The following SUGT1 variants were observed in gnomAD, a reference collection of about 807,000 sequenced individuals.
The protein encoded by SUGT1 is protein SGT1 homolog.
SUGT1 carries 15 observed loss-of-function variants against 56.1 expected under a neutral mutation model. The observed-to-expected ratio is 0.27, with a 90% CI of 0.18 to 0.41. The LOEUF (loss-of-function observed/expected upper bound fraction) is 0.41, where lower values mean the gene tolerates loss of function less well. Ranked by LOEUF, SUGT1 falls within the 10% of genes least tolerant of loss-of-function variation. The probability of loss-of-function intolerance (pLI) is 1.00; values close to 1 mark genes in which losing one functional copy is unlikely to be tolerated. For synonymous variants in SUGT1, 123 were observed against 128.6 expected, an observed-to-expected ratio of 0.96 and a Z score of 0.30; for missense variants, 347 against 382.2, an observed-to-expected ratio of 0.91 and a Z score of 0.77.
intron 10 of SUGT1, 59 bp from the exon 11 acceptor site, chr13:52,676,171 T>C: frequency 7.1e-7 from 1 of 1,403,262 alleles, no homozygotes; most frequent in Non-Finnish European, 9.7e-7. Context: ...AAAACTGCAT[T>C]TTTTACTGTT....
rs918881050 is a variant in SUGT1 at position 52,693,599 on chromosome 13, G to C, written c.*5764G>C. On this transcript the variant is annotated 3_prime_UTR_variant, in exon 13 of 13. Coordinates refer to ENST00000310528, the MANE Select transcript of SUGT1 (RefSeq NM_006704.5). ...TTAATGTCTCTGTGCCTCAGTTTTT[G>C]TGTCTATGTAAAGGAGATAATAGGA... The C allele has an allele frequency of 1.3e-5, 2 of 152,060 alleles. No individual in the cohort carries two copies. Among genetic ancestry groups the C allele is most frequent in the Non-Finnish European group, 2.9e-5 (2 of 68,004 alleles). The allele number at this position is 152,060 out of a possible 1,614,324, so 9.4% of individuals were successfully genotyped here.
At chr13:52,653,496 G>A (rs1001809494) in intron 2 of SUGT1, among the ~76,000 whole-genome samples, 33 of 152,142 alleles carry the variant, frequency 2.2e-4, no homozygotes, top group African/African-American at 7.0e-4. Flanking sequence ...GTGTCGGTAT[G>A]AAGTCAGTCT....
chr13:52,656,968 TC>T (rs1431485136), intron 2 of SUGT1, among the ~76,000 whole-genome samples: 3 of 152,226 alleles, frequency 2.0e-5, no homozygotes, highest in Non-Finnish European at 4.4e-5. Context: ...GACATAGCCA[TC>T]TATTAGATTG....
Position 52,652,869 on chromosome 13 carries a change from G to T in SUGT1, c.-52G>T. ...GTTTCCCCCTTGGGCGGTGGTGGAGGTGGTAACCGTGATAGTAGCAGCTCC... is the reference window on the plus strand; with the variant it reads ...GTTTCCCCCTTGGGCGGTGGTGGAGTTGGTAACCGTGATAGTAGCAGCTCC... On this transcript the variant is annotated 5_prime_UTR_variant, in exon 1 of 13. Coordinates refer to ENST00000310528, the MANE Select transcript of SUGT1 (RefSeq NM_006704.5). The T allele has an allele frequency of 1.3e-6, 2 of 1,596,804 alleles. No homozygotes were observed. The highest frequency in any genetic ancestry group is 1.7e-6 in the Non-Finnish European group (2 of 1,170,790).
At chr13:52,675,988 T>C (rs533418904) in intron 10 of SUGT1, among the ~76,000 whole-genome samples, 7 of 152,316 alleles carry the variant, frequency 4.6e-5, no homozygotes, top group Admixed American at 3.3e-4. Flanking sequence ...AAAGCATATG[T>C]ATTTCAAGTC....
At chr13:52,653,793 G>T (rs995892344) in intron 2 of SUGT1, among the ~76,000 whole-genome samples, 2 of 152,194 alleles carry the variant, frequency 1.3e-5, no homozygotes, top group African/African-American at 4.8e-5. Context: ...GATGCTGCGG[G>T]TCACAGAATT....
At chr13:52,668,215 C>T (rs867757432) in intron 10 of SUGT1, among the ~76,000 whole-genome samples, 2 of 152,102 alleles carry the variant, frequency 1.3e-5, no homozygotes, top group African/African-American at 2.4e-5. Context: ...CTCCTGACCA[C>T]GTGATCTGCC....
Position 52,653,080 on chromosome 13 carries a change from G to A in SUGT1, c.73G>A (p.Glu25Lys), listed in dbSNP as rs1961985785. The change falls in exon 2 of 13, where the codon GAG becomes AAG. Residue 25 changes from glutamate to lysine, a missense_variant. Physicochemically the swap from Glu to Lys is moderately conservative, Grantham distance 56. Coordinates refer to ENST00000310528, the MANE Select transcript of SUGT1 (RefSeq NM_006704.5). ...FQSFSDALID[E>K]DPQAALEELT... ...GAGCTTCTCGGATGCCCTAATCGAC[G>A]AGGACCCCCAGGCGGCGTTAGAGGT... 1.2e-6 allele frequency: 2 copies of A among 1,613,948 alleles called. No individual in the cohort carries two copies. Among genetic ancestry groups the A allele is most frequent in the East Asian group, 2.2e-5 (1 of 44,868 alleles).
chr13:52,660,166 G>A (rs1962374786), intron 5 of SUGT1, among the ~76,000 whole-genome samples: 1 of 151,928 alleles, frequency 6.6e-6, no homozygotes, highest in African/African-American at 2.4e-5. Flanking sequence ...AATACTAAGA[G>A]GTTGTGAGTA....
intron 10 of SUGT1, among the ~76,000 whole-genome samples, chr13:52,670,468 T>C (rs991006184): frequency 3.9e-5 from 6 of 152,192 alleles, no homozygotes; most frequent in African/African-American, 1.4e-4. Context: ...GCACCCATAT[T>C]GTGAAATACT....
At chr13:52,664,171 T>C in intron 8 of SUGT1, 114 bp downstream of exon 8, 1 of 1,132,240 alleles carries the variant, frequency 8.8e-7, no homozygotes, top group Non-Finnish European at 1.3e-6. Context: ...TTTTTGTTTG[T>C]TTTCTAAAAT....
chr13:52,684,784 T>C (rs1057151969), intron 12 of SUGT1, among the ~76,000 whole-genome samples: 4 of 152,016 alleles, frequency 2.6e-5, no homozygotes, highest in African/African-American at 9.7e-5. Flanking sequence ...CATGTTGACC[T>C]CCCAAAGTGC....
intron 10 of SUGT1, among the ~76,000 whole-genome samples, chr13:52,675,863 C>G (rs575073383): frequency 5.3e-5 from 8 of 152,224 alleles, no homozygotes; most frequent in Admixed American, 1.3e-4. Context: ...CAATAGATGT[C>G]ATTATCACCT....
chr13:52,678,948 C>T (rs886907129), intron 11 of SUGT1, among the ~76,000 whole-genome samples: 3 of 152,022 alleles, frequency 2.0e-5, no homozygotes, highest in African/African-American at 7.3e-5. Flanking sequence ...TCCCAAAGTG[C>T]TGGGATTATA....
intron 7 of SUGT1, 114 bp downstream of exon 7, chr13:52,663,226 C>T: frequency 1.2e-5 from 12 of 1,040,484 alleles, no homozygotes; most frequent in Non-Finnish European, 1.7e-5. Context: ...TAAGCAATTC[C>T]ATTTAAGTGC....
intron 10 of SUGT1, among the ~76,000 whole-genome samples, chr13:52,673,342 G>T (rs914411679): frequency 2.6e-5 from 4 of 151,636 alleles, no homozygotes; most frequent in African/African-American, 9.7e-5. Flanking sequence ...AACCTCTTGG[G>T]CTCATGTGAT....
In SUGT1 at chr13:52,656,139, A is replaced by G. The variant is rs945546129; in HGVS notation, c.97-1393A>G. Among the ~76,000 whole-genome samples, 77 of 152,214 alleles carry G rather than the reference A, an allele frequency of 5.1e-4. 1 individual carries two copies. The highest frequency in any genetic ancestry group is 1.6e-4 in the Non-Finnish European group (11 of 68,048). On this transcript the variant is annotated intron_variant, in intron 2 of 12. Transcript: ENST00000310528. ...AGAGAGGCAAATATTTTTGTATTCT[A>G]TGGCAAAGGAGATGCAGTCAAAGTA...
chr13:52,666,267 G>C (rs1962699028), intron 9 of SUGT1, among the ~76,000 whole-genome samples: 2 of 152,006 alleles, frequency 1.3e-5, no homozygotes, highest in Admixed American at 6.6e-5. Context: ...TGTAGAAACG[G>C]GGTTTCACCA....
chr13:52,654,164 G>A (rs376899967), intron 2 of SUGT1, among the ~76,000 whole-genome samples: 22 of 152,186 alleles, frequency 1.4e-4, no homozygotes, highest in African/African-American at 5.3e-4. Flanking sequence ...GGTCCTATAA[G>A]GCCTTTTAGG....
Sources: gnomAD v4.1 joint callset for allele counts (sites outside exome capture counted in the v4.1 genomes callset) on GRCh38, gnomAD v4.1.1 for gene constraint, MANE v1.5 for transcripts, NCBI Gene and HGNC (gene_info 2026-07-23, HGNC 2026-07-21) for gene names.